The following PTPRO variants were observed in gnomAD, a reference collection of about 807,000 sequenced individuals.
PTPRO encodes the protein protein tyrosine phosphatase receptor type O, also known as receptor-type tyrosine-protein phosphatase O.
A neutral mutation model predicts 145.2 loss-of-function variants in PTPRO; 62 were observed. That is an observed-to-expected ratio of 0.43 (90% CI 0.35 to 0.53). PTPRO has a LOEUF of 0.53. Among genes scored for constraint, PTPRO ranks in the 20% least tolerant of loss-of-function variants. The probability of loss-of-function intolerance (pLI) is 0.01; values close to 1 mark genes in which losing one functional copy is unlikely to be tolerated. For missense variants in PTPRO, 1,345 were observed against 1,482.7 expected (o/e 0.91, Z 1.53); for synonymous variants, 565 against 514.7 (o/e 1.10, Z -1.32).
rs542776696 is a variant in PTPRO, at chr12:15,378,445, G to C, written c.75+55644G>C. Among the ~76,000 whole-genome samples, 6 of 152,140 alleles carry C rather than the reference G, an allele frequency of 3.9e-5. No homozygotes were observed. In the South Asian group the frequency reaches 1.2e-3, roughly 32 times the overall value. ...CCATACCAACAAAGTGGATAACTTA[G>C]ATGAAACCGATAAATTTCTAGAAAA... On this transcript the variant is annotated intron_variant, in intron 1 of 26. Transcript: ENST00000281171.
At chr12:15,371,728 T>A (rs1465768845) in intron 1 of PTPRO, among the ~76,000 whole-genome samples, 1 of 152,138 alleles carries the variant, frequency 6.6e-6, no homozygotes, top group Non-Finnish European at 1.5e-5. Flanking sequence ...ATCCCCATAA[T>A]CCCCATGTGT....
chr12:15,531,679 C>G (rs537810770), intron 12 of PTPRO, among the ~76,000 whole-genome samples: 10 of 152,106 alleles, frequency 6.6e-5, no homozygotes, highest in Admixed American at 6.5e-4. Flanking sequence ...TGTGATAGAC[C>G]TTTAGAGACA....
chr12:15,520,421 G>A (rs1218521097), intron 10 of PTPRO, 109 bp downstream of exon 10: 2 of 766,274 alleles, frequency 2.6e-6, no homozygotes, highest in Non-Finnish European at 2.3e-6. Context: ...CACTGGGTGA[G>A]CATCAATTTC....
chr12:15,437,787 C>G (rs1390912275), intron 1 of PTPRO, among the ~76,000 whole-genome samples: 2 of 152,206 alleles, frequency 1.3e-5, no homozygotes, highest in Non-Finnish European at 2.9e-5. Flanking sequence ...TTTAGACACA[C>G]TTCTGGGTGC....
intron 1 of PTPRO, among the ~76,000 whole-genome samples, chr12:15,403,658 T>A (rs1939564807): frequency 6.6e-6 from 1 of 152,200 alleles, no homozygotes; most frequent in African/African-American, 2.4e-5. Context: ...GTGGCCCTAC[T>A]TGGCTTCCCT....
intron 1 of PTPRO, among the ~76,000 whole-genome samples, chr12:15,463,161 C>T (rs533379350): frequency 6.6e-6 from 1 of 152,252 alleles, no homozygotes. Flanking sequence ...ATCCTGGATA[C>T]TTATGACCTA....
chr12:15,523,589 A>G (rs1277023019), intron 10 of PTPRO, among the ~76,000 whole-genome samples: 19 of 152,100 alleles, frequency 1.2e-4, no homozygotes. Flanking sequence ...AGTCTAGGCA[A>G]TATAGAAAGA....
intron 1 of PTPRO, among the ~76,000 whole-genome samples, chr12:15,336,183 A>G (rs1866756006): frequency 6.6e-6 from 1 of 152,018 alleles, no homozygotes; most frequent in South Asian, 2.1e-4. Flanking sequence ...ATCTGGAGAC[A>G]TATCTTTCCA....
intron 8 of PTPRO, 109 bp downstream of exon 8, chr12:15,515,727 T>C: frequency 7.1e-7 from 1 of 1,412,138 alleles, no homozygotes; most frequent in Non-Finnish European, 1.0e-6. Context: ...AGGTCCATAT[T>C]AGTTCATCCA....
At chr12:15,460,868 G>A (rs765085877) in intron 1 of PTPRO, among the ~76,000 whole-genome samples, 7 of 152,046 alleles carry the variant, frequency 4.6e-5, no homozygotes, top group Non-Finnish European at 8.8e-5. Context: ...CTTTTCCCAC[G>A]CAGAACATTT....
At chr12:15,559,806 C>T (rs536406499) in intron 16 of PTPRO, among the ~76,000 whole-genome samples, 33 of 152,212 alleles carry the variant, frequency 2.2e-4, no homozygotes, top group Admixed American at 1.5e-3. Context: ...AATGATGTTA[C>T]AGAGGTTTCT....
intron 23 of PTPRO, among the ~76,000 whole-genome samples, chr12:15,583,256 C>G (rs1944359316): frequency 6.6e-6 from 1 of 152,040 alleles, no homozygotes; most frequent in African/African-American, 2.4e-5. Context: ...CTGAGGCGAG[C>G]AGATCACTTA....
At chr12:15,352,748 G>A (rs1365663813) in intron 1 of PTPRO, among the ~76,000 whole-genome samples, 2 of 151,964 alleles carry the variant, frequency 1.3e-5, no homozygotes, top group Non-Finnish European at 2.9e-5. Context: ...AATTTAGGAT[G>A]TGTGGGCCAT....
chr12:15,323,161 C>T (rs953440563), intron 1 of PTPRO, among the ~76,000 whole-genome samples: 4 of 152,234 alleles, frequency 2.6e-5, no homozygotes, highest in African/African-American at 4.8e-5. Context: ...CGCTGCTTAA[C>T]CTTTCCGCCC....
In PTPRO at chr12:15,571,795, T is replaced by C. The variant is rs531400547; in HGVS notation, c.2829+2297T>C. Among the ~76,000 whole-genome samples, 332 of 152,306 alleles carry C rather than the reference T, an allele frequency of 2.2e-3. 3 individuals carry two copies. Among genetic ancestry groups the C allele is most frequent in the African/African-American group, 7.8e-3 (323 of 41,564 alleles). Reference sequence around the variant, plus strand: ...AGGGCAGATGCACAGAATCTCTAAATGGAACCATGTGGGCTCAAGTAGCAA... The same window carrying C: ...AGGGCAGATGCACAGAATCTCTAAACGGAACCATGTGGGCTCAAGTAGCAA... On this transcript the variant is annotated intron_variant, in intron 19 of 26. Coordinates refer to ENST00000281171, the MANE Select transcript of PTPRO (RefSeq NM_030667.3).
At chr12:15,425,260 A>T (rs1468569881) in intron 1 of PTPRO, among the ~76,000 whole-genome samples, 1 of 152,186 alleles carries the variant, frequency 6.6e-6, no homozygotes, top group African/African-American at 2.4e-5. Context: ...TTATGTACCA[A>T]GTTTTATTCT....
rs182107258 is a variant in PTPRO at position 15,350,342 on chromosome 12, C to G, written c.75+27541C>G. On this transcript the variant is annotated intron_variant, in intron 1 of 26. Coordinates refer to ENST00000281171, the MANE Select transcript of PTPRO (RefSeq NM_030667.3). ...TCAGAACCTTGTTCCCGTGGAAGAC[C>G]TACTATGTCATACAGCTCTGCTGCA... 2.0e-5 allele frequency among the ~76,000 whole-genome samples: 3 copies of G among 152,200 alleles called. No homozygotes were observed. The East Asian group carries it at 5.8e-4, about 29-fold the overall frequency.
Position 15,586,983 on chromosome 12 carries a change from C to T in PTPRO, c.3342C>T (p.Ile1114=). 1 of 1,614,010 alleles carries T rather than the reference C, an allele frequency of 6.2e-7. No individual in the cohort carries two copies. Among genetic ancestry groups the T allele is most frequent in the Non-Finnish European group, 8.5e-7 (1 of 1,179,954 alleles). Residue 1114 remains isoleucine (I), a synonymous_variant, in exon 24 of 27, where the codon ATC becomes ATT. Transcript: ENST00000281171. ...CCACAGCAAATGCTGCAGAAAGTAT[C>T]CTGCAGTTTGTACACATGGTCCGAC... The part of the protein sequence containing the change: ...GVPTANAAES[I]LQFVHMVRQQ...
chr12:15,344,661 G>C (rs1867133272), intron 1 of PTPRO, among the ~76,000 whole-genome samples: 1 of 152,194 alleles, frequency 6.6e-6, no homozygotes, highest in Non-Finnish European at 1.5e-5. Flanking sequence ...GGGTAAGTTT[G>C]TGATTTCATG....
Sources: allele counts gnomAD v4.1 joint callset (sites outside exome capture counted in the v4.1 genomes callset), GRCh38; gene constraint gnomAD v4.1.1; transcripts MANE v1.5; gene names NCBI Gene and HGNC (gene_info 2026-07-23, HGNC 2026-07-21).